AFAP1L1: variants seen among roughly 807,000 people sequenced by gnomAD.
AFAP1L1 encodes the protein actin filament associated protein 1 like 1, also known as actin filament-associated protein 1-like 1.
Under a neutral mutation model 99.8 loss-of-function variants are expected in AFAP1L1, and 77 were observed. The observed-to-expected ratio is 0.77, with a 90% confidence interval of 0.64 to 0.93. The LOEUF is 0.93. Ranked by LOEUF, AFAP1L1 falls within the 40% of genes least tolerant of loss-of-function variation. The probability of loss-of-function intolerance (pLI) is 0.00; values close to 1 mark genes in which losing one functional copy is unlikely to be tolerated. For synonymous variants in AFAP1L1, 373 were observed against 395.3 expected, an observed-to-expected ratio of 0.94 and a Z score of 0.67; for missense variants, 893 against 996.8, an observed-to-expected ratio of 0.90 and a Z score of 1.40.
At chr5:149,323,835 T>C (rs778172731) in intron 15 of AFAP1L1, among the ~76,000 whole-genome samples, 2 of 152,196 alleles carry the variant, frequency 1.3e-5, no homozygotes, top group Non-Finnish European at 2.9e-5. Context: ...CCTTGTGAAA[T>C]GCCCATTTTA....
At position 149,307,818 on chromosome 5, in the gene AFAP1L1, T is replaced by TTCTCTCCCTCTCTCTCTCTCTCTCTC. The variant is rs1756473971; in HGVS notation, c.747+211_747+212insCCTCTCTCTCTCTCTCTCTCTCTCTC. Among the ~76,000 whole-genome samples the TTCTCTCCCTCTCTCTCTCTCTCTCTC allele has an allele frequency of 5.0e-5, 5 of 100,568 alleles. No individual in the cohort carries two copies. In the South Asian group the frequency reaches 2.1e-3, roughly 42 times the overall value. 66.0% of individuals were successfully genotyped at this position (100,568 alleles called of 152,430 possible). A position where few individuals can be genotyped will look rare whatever the true frequency, so the allele number is the denominator to read the frequency against. On this transcript the variant is annotated intron_variant, in intron 7 of 18. Transcript: ENST00000296721. ...ACACACACACACCCTGTGCCTCTCT[T>TTCTCTCCCTCTCTCTCTCTCTCTCTC]TCTCTCTCTCTCTCTCTCTCTCTCT...
At chr5:149,286,828 G>A (rs1306101764) in intron 1 of AFAP1L1, among the ~76,000 whole-genome samples, 6 of 152,158 alleles carry the variant, frequency 3.9e-5, no homozygotes, top group Non-Finnish European at 7.4e-5. Context: ...GACACACAGC[G>A]ACTTGCCCAA....
At position 149,335,690 on chromosome 5, in the gene AFAP1L1, T is replaced by G; in HGVS notation, c.2251T>G (p.Ser751Ala). 1 of 1,613,986 alleles carries G rather than the reference T, an allele frequency of 6.2e-7. No homozygotes were observed. Among genetic ancestry groups the G allele is most frequent in the South Asian group, 1.1e-5 (1 of 91,064 alleles). Reference sequence around the variant, plus strand: ...GAAGAGGAGCCCATCCATCGTAGCCTCCAACCAAGGAAGGGTGCTACAGAA... The same window carrying G: ...GAAGAGGAGCCCATCCATCGTAGCCGCCAACCAAGGAAGGGTGCTACAGAA... The part of the protein sequence containing the change: ...LRKRSPSIVA[S>A]NQGRVLQKAK... The change falls in exon 18 of 19, where the codon TCC (serine) becomes GCC (alanine). Residue 751 changes from serine (S) to alanine (A), a missense_variant. By Grantham distance (99) the Ser-to-Ala change is moderately conservative. Coordinates refer to ENST00000296721, the MANE Select transcript of AFAP1L1 (RefSeq NM_152406.4).
chr5:149,293,295 T>TC (rs935784921), intron 1 of AFAP1L1, among the ~76,000 whole-genome samples: 13 of 152,010 alleles, frequency 8.6e-5, no homozygotes, highest in African/African-American at 3.1e-4. Context: ...TTTAGAAATT[T>TC]CCCCCAGAGG....
Position 149,300,308 on chromosome 5 carries a change from C to A in AFAP1L1, c.183C>A (p.Asp61Glu). Reference sequence around the variant, plus strand: ...CCTACCTGTATGTGAACACAGCAGACCTCCACTCGGGGCCCAGCTTCGTGG... The same window carrying A: ...CCTACCTGTATGTGAACACAGCAGAACTCCACTCGGGGCCCAGCTTCGTGG... ...EVSYLYVNTA[D>E]LHSGPSFVES... Residue 61 changes from aspartate to glutamate, a missense_variant, in exon 3 of 19, where the codon GAC becomes GAA. Coordinates refer to ENST00000296721, the MANE Select transcript of AFAP1L1 (RefSeq NM_152406.4). 6.2e-7 allele frequency: 1 copy of A among 1,613,676 alleles called. No individual in the cohort carries two copies. The highest frequency in any genetic ancestry group is 1.7e-4 in the Middle Eastern group (1 of 6,058).
intron 1 of AFAP1L1, among the ~76,000 whole-genome samples, chr5:149,294,612 T>C (rs769855220): frequency 6.6e-6 from 1 of 152,128 alleles, no homozygotes; most frequent in Non-Finnish European, 1.5e-5. Flanking sequence ...CTATTTTTTT[T>C]CTATGAGATC....
At chr5:149,337,763 C>CAT (rs201246624) in intron 18 of AFAP1L1, among the ~76,000 whole-genome samples, 353 of 151,910 alleles carry the variant, frequency 2.3e-3, no homozygotes, top group Middle Eastern at 6.8e-3. Flanking sequence ...CAAATATATA[C>CAT]ATATATATAT....
chr5:149,343,123 A>T lies in AFAP1L1; in HGVS notation c.*3093A>T, dbSNP rs1253335432. 2.0e-5 allele frequency among the ~76,000 whole-genome samples: 3 copies of T among 152,158 alleles called. No individual in the cohort carries two copies. Among genetic ancestry groups the T allele is most frequent in the African/African-American group, 7.2e-5 (3 of 41,430 alleles). On this transcript the variant is annotated 3_prime_UTR_variant, in exon 19 of 19. Transcript: ENST00000296721. ...CTCCCTAAACCATATCACCCTTTTC[A>T]TAAGGCCAAAAAGAAAATATAAGTT...
At position 149,293,115 on chromosome 5, in the gene AFAP1L1, A is replaced by T. The variant is rs914333733; in HGVS notation, c.17-6394A>T. 2.0e-5 allele frequency among the ~76,000 whole-genome samples: 3 copies of T among 152,140 alleles called. No homozygotes were observed. The South Asian group carries it at 6.2e-4, about 32-fold the overall frequency. ...CCCTGTACCATCCTCCTTTGTGCCTACCACTTCCCCTGAAACTCCATGGGG... is the reference window on the plus strand; with the variant it reads ...CCCTGTACCATCCTCCTTTGTGCCTTCCACTTCCCCTGAAACTCCATGGGG... On this transcript the variant is annotated intron_variant, in intron 1 of 18. Transcript: ENST00000296721.
chr5:149,313,125 TA>T (rs765623834), intron 9 of AFAP1L1, among the ~76,000 whole-genome samples: 2,355 of 129,562 alleles, frequency 0.018, 26 homozygotes, highest in African/African-American at 0.048. Flanking sequence ...AAGCTTCATT[TA>T]AAAAAAAAAA....
intron 6 of AFAP1L1, 138 bp from the exon 7 acceptor site, chr5:149,307,264 C>A (rs1024501315): frequency 9.4e-6 from 8 of 853,064 alleles, no homozygotes; most frequent in African/African-American, 1.7e-5. Flanking sequence ...AAAGTAGGGG[C>A]CTTAGTCATT....
intron 1 of AFAP1L1, chr5:149,276,558 T>C (rs1228998891): frequency 6.6e-6 from 1 of 152,260 alleles, no homozygotes; most frequent in Non-Finnish European, 1.5e-5. Flanking sequence ...CAGATGAGGA[T>C]AAATTATGAT....
chr5:149,300,582 G>A (rs1279462910), intron 3 of AFAP1L1, among the ~76,000 whole-genome samples: 2 of 152,230 alleles, frequency 1.3e-5, no homozygotes, highest in South Asian at 2.1e-4. Flanking sequence ...TGACCATGCA[G>A]TCCAAAGAAG....
Position 149,306,338 on chromosome 5 carries a change from G to A in AFAP1L1, c.469G>A (p.Gly157Ser). ...GCSPSHSIVD[G>S]YYEDADSSYP... Reference sequence around the variant, plus strand: ...CAGCCCCTCACACTCGATTGTGGATGGCTACTATGAGGACGCAGACAGCAG... The same window carrying A: ...CAGCCCCTCACACTCGATTGTGGATAGCTACTATGAGGACGCAGACAGCAG... Residue 157 changes from glycine to serine, a missense_variant, in exon 6 of 19, where the codon GGC becomes AGC. Coordinates refer to ENST00000296721, the MANE Select transcript of AFAP1L1 (RefSeq NM_152406.4). 1 of 1,613,614 alleles carries A rather than the reference G, an allele frequency of 6.2e-7. No individual in the cohort carries two copies. Among genetic ancestry groups the A allele is most frequent in the Non-Finnish European group, 8.5e-7 (1 of 1,179,794 alleles).
chr5:149,298,952 G>T (rs1304695177), intron 1 of AFAP1L1, among the ~76,000 whole-genome samples: 1 of 152,252 alleles, frequency 6.6e-6, no homozygotes, highest in African/African-American at 2.4e-5. Flanking sequence ...CACGTGGAAA[G>T]AAAGAATGGC....
chr5:149,317,232 G>A (rs910198776), intron 11 of AFAP1L1, among the ~76,000 whole-genome samples: 8 of 152,186 alleles, frequency 5.3e-5, no homozygotes, highest in Admixed American at 3.3e-4. Flanking sequence ...ATCAGAGTGC[G>A]TTATGGTAAA....
At chr5:149,324,603 C>T (rs752508851) in intron 15 of AFAP1L1, among the ~76,000 whole-genome samples, 6 of 152,190 alleles carry the variant, frequency 3.9e-5, no homozygotes, top group Admixed American at 1.3e-4. Context: ...TTATGTCACA[C>T]GGTTTCTGTG....
rs1364791342 is a variant in AFAP1L1, at chr5:149,340,464, G to A, written c.*434G>A. 1 of 164,376 alleles carries A rather than the reference G, an allele frequency of 6.1e-6. No individual in the cohort carries two copies. Among genetic ancestry groups the A allele is most frequent in the Non-Finnish European group, 1.3e-5 (1 of 74,842 alleles). The allele number at this position is 164,376 out of a possible 1,614,324, so 10.2% of individuals were successfully genotyped here. A position where few individuals can be genotyped will look rare whatever the true frequency, so the allele number is the denominator to read the frequency against. ...GGTGCAGTGTAAAGAGACAAGACCT[G>A]ATCATCTGATCACACTTGTGCCAAC... On this transcript the variant is annotated 3_prime_UTR_variant, in exon 19 of 19. Transcript: ENST00000296721.
intron 9 of AFAP1L1, among the ~76,000 whole-genome samples, chr5:149,313,568 G>T (rs1262283738): frequency 1.3e-5 from 2 of 152,006 alleles, no homozygotes; most frequent in Non-Finnish European, 2.9e-5. Context: ...TCCTCTCAAG[G>T]CCAGGATCCT....
Sources: allele counts gnomAD v4.1 joint callset (sites outside exome capture counted in the v4.1 genomes callset), GRCh38; gene constraint gnomAD v4.1.1; transcripts MANE v1.5; gene names NCBI Gene and HGNC (gene_info 2026-07-23, HGNC 2026-07-21).